ELMO1: variants seen among roughly 807,000 people sequenced by gnomAD.
ELMO1 encodes the protein engulfment and cell motility protein 1.
A neutral mutation model predicts 98.9 loss-of-function variants in ELMO1; 26 were observed. The ratio of observed to expected loss-of-function variants is 0.26; its 90% CI spans 0.19 to 0.36. ELMO1 has a LOEUF of 0.36. Among genes scored for constraint, ELMO1 ranks in the 10% least tolerant of loss-of-function variants. ELMO1 has a pLI of 1.00. For synonymous variants in ELMO1, 346 were observed against 346.0 expected (o/e 1.00, Z 0.00); for missense variants, 627 against 935.2 (o/e 0.67, Z 4.30).
chr7:37,448,853 C>CACTT lies in ELMO1; in HGVS notation c.-256_-253dup, dbSNP rs568106993. On this transcript the variant is annotated 5_prime_UTR_variant, in exon 1 of 22. Coordinates refer to ENST00000310758, the MANE Select transcript of ELMO1 (RefSeq NM_014800.11). ...CCGCTCCCGCTCGCCCCAGCACACG[C>CACTT]ACTTACACTCTGGGTCGGCCGGCTG... 125 of 153,446 alleles carry CACTT rather than the reference C, an allele frequency of 8.1e-4. No homozygotes were observed. Among genetic ancestry groups the CACTT allele is most frequent in the Middle Eastern group, 3.4e-3 (1 of 298 alleles). 9.5% of individuals were successfully genotyped at this position (153,446 alleles called of 1,614,324 possible).
At chr7:37,349,612 C>A (rs10278789) in intron 1 of ELMO1, among the ~76,000 whole-genome samples, 82,880 of 151,622 alleles carry the variant, frequency 0.55, 22,764 homozygotes, top group East Asian at 0.68. Flanking sequence ...CACCACCTTG[C>A]GTGGCTAATT....
chr7:37,405,074 G>A (rs1803697987), intron 1 of ELMO1, among the ~76,000 whole-genome samples: 1 of 152,212 alleles, frequency 6.6e-6, no homozygotes, highest in South Asian at 2.1e-4. Context: ...CAGTGGTAAT[G>A]TGGGCCACCG....
At chr7:37,375,581 C>T (rs1049389536) in intron 1 of ELMO1, 1 of 1,114,348 alleles carries the variant, frequency 9.0e-7, no homozygotes, top group East Asian at 2.4e-5. Context: ...AGGAGGGAGT[C>T]ATGGTGGCCA....
chr7:37,387,452 C>G (rs1457482680), intron 1 of ELMO1, among the ~76,000 whole-genome samples: 1 of 152,198 alleles, frequency 6.6e-6, no homozygotes, highest in African/African-American at 2.4e-5. Context: ...CTAAATGTCC[C>G]CTTTTTATAA....
intron 16 of ELMO1, among the ~76,000 whole-genome samples, chr7:36,962,183 C>T (rs1310037983): frequency 6.6e-6 from 1 of 152,172 alleles, no homozygotes; most frequent in African/African-American, 2.4e-5. Context: ...TTCCACAGTG[C>T]CCATTTTGGG....
At chr7:36,898,621 C>T (rs1239005956) in intron 16 of ELMO1, among the ~76,000 whole-genome samples, 1 of 152,188 alleles carries the variant, frequency 6.6e-6, no homozygotes, top group Admixed American at 6.5e-5. Context: ...ATGTCCCCTG[C>T]TCTCACTGTT....
At chr7:36,872,853 GT>G (rs530281615) in intron 19 of ELMO1, among the ~76,000 whole-genome samples, 1 of 152,178 alleles carries the variant, frequency 6.6e-6, no homozygotes, top group African/African-American at 2.4e-5. Context: ...CTTGTAGAAA[GT>G]TTTTTTGTTA....
chr7:37,022,589 A>G (rs563617884), intron 15 of ELMO1, among the ~76,000 whole-genome samples: 1 of 152,382 alleles, frequency 6.6e-6, no homozygotes, highest in Admixed American at 6.5e-5. Context: ...TGAAGTGTTG[A>G]TAAGAATGTG....
chr7:36,994,667 G>A (rs1170964681), intron 16 of ELMO1, among the ~76,000 whole-genome samples: 1 of 152,202 alleles, frequency 6.6e-6, no homozygotes, highest in Non-Finnish European at 1.5e-5. Context: ...AGGGTGCTCT[G>A]TGTAGAAGCA....
intron 16 of ELMO1, among the ~76,000 whole-genome samples, chr7:36,922,203 C>T (rs1407015438): frequency 6.6e-6 from 1 of 152,072 alleles, no homozygotes; most frequent in African/African-American, 2.4e-5. Context: ...TGAAAGCAAA[C>T]CCACAGATTC....
chr7:37,056,177 T>C (rs375290744), intron 15 of ELMO1, among the ~76,000 whole-genome samples: 3 of 152,356 alleles, frequency 2.0e-5, no homozygotes, highest in African/African-American at 7.2e-5. Context: ...AAACACAAGC[T>C]ATTTTTATTG....
chr7:36,901,841 A>G (rs1783577624), intron 16 of ELMO1, among the ~76,000 whole-genome samples: 1 of 152,218 alleles, frequency 6.6e-6, no homozygotes, highest in Non-Finnish European at 1.5e-5. Context: ...CAACTTACGT[A>G]TCTTCACAAG....
chr7:37,272,033 T>C (rs1246055719), intron 4 of ELMO1, 151 bp from the exon 5 acceptor site: 4 of 672,874 alleles, frequency 5.9e-6, no homozygotes, highest in Non-Finnish European at 9.9e-6. Context: ...CTGTTAACTT[T>C]CTATCTGACA....
chr7:37,164,580 T>C (rs1225106647), intron 13 of ELMO1, among the ~76,000 whole-genome samples: 5 of 152,234 alleles, frequency 3.3e-5, no homozygotes, highest in Non-Finnish European at 7.3e-5. Flanking sequence ...CCCAGCACCA[T>C]TTGTTAAATA....
At chr7:36,928,715 C>T (rs771785812) in intron 16 of ELMO1, among the ~76,000 whole-genome samples, 2 of 152,166 alleles carry the variant, frequency 1.3e-5, no homozygotes, top group Non-Finnish European at 2.9e-5. Context: ...TACCTATGGT[C>T]TAAAGTGCAG....
intron 4 of ELMO1, among the ~76,000 whole-genome samples, chr7:37,310,407 A>G (rs1161391238): frequency 6.6e-6 from 1 of 151,928 alleles, no homozygotes; most frequent in Non-Finnish European, 1.5e-5. Flanking sequence ...TAGGGATGAC[A>G]AGGCAATTTT....
chr7:37,431,818 CAGTT>C (rs1471656999), intron 1 of ELMO1, among the ~76,000 whole-genome samples: 5 of 151,974 alleles, frequency 3.3e-5, no homozygotes, highest in Non-Finnish European at 5.9e-5. Flanking sequence ...ACTGTGGCCT[CAGTT>C]AGTAGGGACT....
chr7:36,988,639 C>A (rs1791669612), intron 16 of ELMO1, among the ~76,000 whole-genome samples: 1 of 152,170 alleles, frequency 6.6e-6, no homozygotes, highest in Non-Finnish European at 1.5e-5. Context: ...AAAGTGACAT[C>A]AAGCCATGAT....
intron 13 of ELMO1, among the ~76,000 whole-genome samples, chr7:37,188,439 CACACACACACACGCAA>C (rs1433804170): frequency 1.3e-3 from 47 of 37,052 alleles, no homozygotes; most frequent in African/African-American, 8.5e-3. Context: ...CACACACACA[CACACACACACACGCAA>C]ACACACACAC....
Sources: allele counts gnomAD v4.1 joint callset (sites outside exome capture counted in the v4.1 genomes callset), GRCh38; gene constraint gnomAD v4.1.1; transcripts MANE v1.5; gene names NCBI Gene and HGNC (gene_info 2026-07-23, HGNC 2026-07-21).